UCHL5: variants seen among roughly 807,000 people sequenced by gnomAD.
UCHL5 encodes the protein ubiquitin C-terminal hydrolase L5.
Under a neutral mutation model 53.8 loss-of-function variants are expected in UCHL5, and 34 were observed. That is an observed-to-expected ratio of 0.63 (90% CI 0.48 to 0.84). The LOEUF is 0.84. UCHL5 is among the 40% of genes least tolerant of loss of function. The pLI is 0.00. For missense variants in UCHL5, 290 were observed against 385.6 expected (o/e 0.75, Z 2.08); for synonymous variants, 111 against 126.3 (o/e 0.88, Z 0.81).
At chr1:193,058,064 T>TA (rs541080246) in intron 1 of UCHL5, among the ~76,000 whole-genome samples, 92 of 143,330 alleles carry the variant, frequency 6.4e-4, no homozygotes, top group East Asian at 1.2e-3. Flanking sequence ...CTGTCTCTAC[T>TA]AAAAAAAAAA....
chr1:193,051,335 G>C (rs1668967993), intron 2 of UCHL5, among the ~76,000 whole-genome samples: 1 of 152,130 alleles, frequency 6.6e-6, no homozygotes, highest in South Asian at 2.1e-4. Context: ...GAGGTAATGT[G>C]ATAGTGTGTA....
chr1:193,050,281 C>A (rs1289355393), intron 2 of UCHL5, among the ~76,000 whole-genome samples: 2 of 152,086 alleles, frequency 1.3e-5, no homozygotes, highest in Non-Finnish European at 2.9e-5. Context: ...CATGAAAAAT[C>A]CTCATATTGC....
At chr1:193,032,161 G>T (rs1661676628) in intron 3 of UCHL5, among the ~76,000 whole-genome samples, 1 of 152,090 alleles carries the variant, frequency 6.6e-6, no homozygotes, top group Non-Finnish European at 1.5e-5. Flanking sequence ...CCAGACTAGA[G>T]AATTTCTTTT....
At position 193,014,411 on chromosome 1, in the gene UCHL5, C is replaced by T. The variant is rs1212109709; in HGVS notation, c.*1940G>A. On this transcript the variant is annotated 3_prime_UTR_variant, in exon 11 of 11. Coordinates refer to ENST00000367454, the MANE Select transcript of UCHL5 (RefSeq NM_001199261.3). Reference sequence around the variant, plus strand: ...ATAGTCATTTTACAAGGATATTTTTCAAATGTCATTTGATATTACTTTTGT... The same window carrying T: ...ATAGTCATTTTACAAGGATATTTTTTAAATGTCATTTGATATTACTTTTGT... The T allele has an allele frequency of 2.0e-5, 3 of 152,086 alleles. No individual in the cohort carries two copies. The highest frequency in any genetic ancestry group is 4.4e-5 in the Non-Finnish European group (3 of 68,000). 9.4% of individuals were successfully genotyped at this position (152,086 alleles called of 1,614,324 possible).
chr1:193,017,530 GCATCT>G (rs1243195652), intron 10 of UCHL5, among the ~76,000 whole-genome samples: 1 of 151,332 alleles, frequency 6.6e-6, no homozygotes, highest in Non-Finnish European at 1.5e-5. Flanking sequence ...TATGTGTATC[GCATCT>G]CATACAAAGT....
At chr1:193,050,081 A>G (rs776516060) in intron 2 of UCHL5, among the ~76,000 whole-genome samples, 1 of 152,190 alleles carries the variant, frequency 6.6e-6, no homozygotes, top group Non-Finnish European at 1.5e-5. Flanking sequence ...TGAAAGGTTT[A>G]TTCTCAAATC....
In UCHL5 at chr1:193,016,238, T is replaced by C; in HGVS notation, c.*113A>G. Reference sequence around the variant, plus strand: ...CATTAAAGACAAGACAGGCTGGCACTATTGCCAAACGTGCACTGAGCCAAT... The same window carrying C: ...CATTAAAGACAAGACAGGCTGGCACCATTGCCAAACGTGCACTGAGCCAAT... On this transcript the variant is annotated 3_prime_UTR_variant, in exon 11 of 11. Coordinates refer to ENST00000367454, the MANE Select transcript of UCHL5 (RefSeq NM_001199261.3). The C allele has an allele frequency of 8.3e-7, 1 of 1,205,376 alleles. No homozygotes were observed. Among genetic ancestry groups the C allele is most frequent in the Non-Finnish European group, 1.2e-6 (1 of 849,970 alleles). 74.7% of individuals were successfully genotyped at this position (1,205,376 alleles called of 1,614,324 possible).
chr1:193,059,422 G>C (rs755016729), upstream of UCHL5: 37 of 1,610,628 alleles, frequency 2.3e-5, no homozygotes, highest in African/African-American at 3.7e-4. The surrounding 1 kb of genome is among the most constrained non-coding windows in gnomAD (Gnocchi z 4.9). Flanking sequence ...CCTGCAGCGC[G>C]ACTGAGCGCG....
chr1:193,059,397 C>G, upstream of UCHL5: 1 of 1,609,728 alleles, frequency 6.2e-7, no homozygotes, highest in Non-Finnish European at 8.5e-7. The surrounding 1 kb of genome is among the most constrained non-coding windows in gnomAD (Gnocchi z 4.9). Flanking sequence ...TCCCGACAGC[C>G]TCCGGGCGCC....
intron 2 of UCHL5, among the ~76,000 whole-genome samples, chr1:193,050,438 T>C (rs1018923923): frequency 3.3e-5 from 5 of 152,102 alleles, no homozygotes; most frequent in Non-Finnish European, 5.9e-5. Flanking sequence ...CAAAAAACTT[T>C]TCCTATCCTC....
At chr1:193,030,834 T>C (rs1020400437) in intron 3 of UCHL5, among the ~76,000 whole-genome samples, 7 of 152,150 alleles carry the variant, frequency 4.6e-5, no homozygotes, top group Admixed American at 1.3e-4. Flanking sequence ...TAAGATCTTA[T>C]GAATATCTAC....
chr1:193,035,476 C>T (rs758534259), intron 3 of UCHL5, among the ~76,000 whole-genome samples: 2 of 151,768 alleles, frequency 1.3e-5, no homozygotes, highest in Non-Finnish European at 2.9e-5. Flanking sequence ...AAAACACCAT[C>T]CAAGAATACT....
chr1:193,050,742 T>C (rs899285483), intron 2 of UCHL5, among the ~76,000 whole-genome samples: 2 of 150,094 alleles, frequency 1.3e-5, no homozygotes, highest in African/African-American at 4.9e-5. Context: ...TGAGACTGTT[T>C]CAAAAAGAAA....
At position 193,012,518 on chromosome 1, in the gene UCHL5, TAC is replaced by T. The variant is rs1470594389; in HGVS notation, c.*3831_*3832del. On this transcript the variant is annotated 3_prime_UTR_variant, in exon 11 of 11. Coordinates refer to ENST00000367454, the MANE Select transcript of UCHL5 (RefSeq NM_001199261.3). ...TATATGCCTATATGCAATCCACTTG[TAC>T]AGTGTTAGTTCAGTACTAGAGAAGT... 1 of 152,238 alleles carries T rather than the reference TAC, an allele frequency of 6.6e-6. No individual in the cohort carries two copies. Among genetic ancestry groups the T allele is most frequent in the African/African-American group, 2.4e-5 (1 of 41,462 alleles). 9.4% of individuals were successfully genotyped at this position (152,238 alleles called of 1,614,324 possible). A position where few individuals can be genotyped will look rare whatever the true frequency, so the allele number is the denominator to read the frequency against.
upstream of UCHL5, chr1:193,059,438 AC>A: frequency 6.2e-7 from 1 of 1,610,460 alleles, no homozygotes; most frequent in South Asian, 1.1e-5. The surrounding 1 kb of genome is among the most constrained non-coding windows in gnomAD (Gnocchi z 4.9). Flanking sequence ...GCGCGGGAGG[AC>A]GCTCTAGCCA....
intron 3 of UCHL5, among the ~76,000 whole-genome samples, chr1:193,038,192 C>G (rs1664244074): frequency 6.6e-6 from 1 of 152,180 alleles, no homozygotes; most frequent in Non-Finnish European, 1.5e-5. Context: ...CACCGTGGCT[C>G]ACGCCTGTAA....
chr1:193,023,770 T>A, intron 8 of UCHL5, 74 bp downstream of exon 8: 1 of 1,112,692 alleles, frequency 9.0e-7, no homozygotes, highest in African/African-American at 1.6e-5. Flanking sequence ...TGATTATATA[T>A]ATATTTAAAG....
At position 193,049,258 on chromosome 1, in the gene UCHL5, T is replaced by C. The variant is rs549245607; in HGVS notation, c.246+488A>G. 9.5e-4 allele frequency among the ~76,000 whole-genome samples: 145 copies of C among 152,108 alleles called. 1 individual carries two copies. In the Middle Eastern group the frequency reaches 0.051, roughly 54 times the overall value. On this transcript the variant is annotated intron_variant, in intron 3 of 10. Transcript: ENST00000367454. The stretch of plus-strand genomic sequence containing the variant: ...GGTGAAACCCCATCTCTACTAAAAA[T>C]ACAAAAATAGCCTGGTGTGGTGGTA...
chr1:193,041,037 T>A (rs537403334), intron 3 of UCHL5, among the ~76,000 whole-genome samples: 5 of 152,088 alleles, frequency 3.3e-5, no homozygotes, highest in Non-Finnish European at 7.4e-5. Context: ...GGTACAAATA[T>A]ACAGTTTAAC....
Sources: allele counts gnomAD v4.1 joint callset (sites outside exome capture counted in the v4.1 genomes callset), GRCh38; gene constraint gnomAD v4.1.1; non-coding constraint Gnocchi (gnomAD v3.1); transcripts MANE v1.5; gene names NCBI Gene and HGNC (gene_info 2026-07-23, HGNC 2026-07-21).